The following ANO10 variants were observed in gnomAD, a reference collection of about 807,000 sequenced individuals.
ANO10 encodes anoctamin-10.
In ANO10, 77 loss-of-function variants were observed where a neutral mutation model predicts 74.7. That is an observed-to-expected ratio of 1.03 (90% CI 0.86 to 1.25). The LOEUF (loss-of-function observed/expected upper bound fraction) is 1.25, where lower values mean the gene tolerates loss of function less well. Ranked by LOEUF, ANO10 falls within the 50% of genes most tolerant of loss-of-function variation. ANO10 has a pLI of 0.00. For missense variants in ANO10, 721 were observed against 778.1 expected, an observed-to-expected ratio of 0.93 and a Z score of 0.87; for synonymous variants, 279 against 284.9, an observed-to-expected ratio of 0.98 and a Z score of 0.21.
chr3:43,627,206 G>A (rs890962258), intron 1 of ANO10, among the ~76,000 whole-genome samples: 2 of 152,170 alleles, frequency 1.3e-5, no homozygotes, highest in African/African-American at 4.8e-5. Flanking sequence ...TACCAAACTT[G>A]TCAGTCAAAT....
At chr3:43,558,458 A>C (rs1472573000) in intron 9 of ANO10, among the ~76,000 whole-genome samples, 2 of 152,174 alleles carry the variant, frequency 1.3e-5, no homozygotes, top group Non-Finnish European at 2.9e-5. Flanking sequence ...GTGGAACAGC[A>C]ATCAGGAGAC....
intron 1 of ANO10, among the ~76,000 whole-genome samples, chr3:43,675,143 A>G (rs2149579069): frequency 6.6e-6 from 1 of 152,338 alleles, no homozygotes; most frequent in Admixed American, 6.5e-5. Context: ...TTTTTCCAAT[A>G]TATGGTGTTG....
intron 1 of ANO10, among the ~76,000 whole-genome samples, chr3:43,655,252 C>T (rs1226490248): frequency 2.6e-5 from 4 of 152,098 alleles, no homozygotes; most frequent in Admixed American, 2.0e-4. Flanking sequence ...TGGACCCTCG[C>T]GGTGAGTGTT....
At position 43,576,697 on chromosome 3, in the gene ANO10, G is replaced by T. The variant is rs1346719997; in HGVS notation, c.1157C>A (p.Ser386Ter). The T allele has an allele frequency of 1.2e-6, 2 of 1,613,986 alleles. No individual in the cohort carries two copies. Among genetic ancestry groups the T allele is most frequent in the African/African-American group, 2.7e-5 (2 of 74,908 alleles). The part of the protein sequence containing the change: ...LYRYAAEFLT[S>*]WENHRLESAY... ...TATAAAGCCTCAAGTCTTACCCCATGAAGTTAAAAACTCGGCAGCATATCG... is the reference window on the plus strand; with the variant it reads ...TATAAAGCCTCAAGTCTTACCCCATTAAGTTAAAAACTCGGCAGCATATCG... Residue 386 changes from serine to a stop codon, truncating the protein, a stop_gained, in exon 6 of 13, where the codon TCA (serine) becomes TAA (stop). Transcript: ENST00000292246. LOFTEE classifies it high-confidence loss of function.
chr3:43,518,723 T>C (rs1286492921), intron 11 of ANO10, among the ~76,000 whole-genome samples: 2 of 152,104 alleles, frequency 1.3e-5, no homozygotes, highest in Non-Finnish European at 2.9e-5. Flanking sequence ...TAAGCCCCGG[T>C]CTCCTGTAGT....
upstream of ANO10, among the ~76,000 whole-genome samples, chr3:43,626,933 A>T (rs2083498268): frequency 4.7e-5 from 1 of 21,130 alleles, no homozygotes; most frequent in Non-Finnish European, 8.8e-5. Flanking sequence ...CCCACCCAGC[A>T]GTTCCTGTAT....
intron 1 of ANO10, among the ~76,000 whole-genome samples, chr3:43,637,324 T>C (rs1381240560): frequency 6.6e-6 from 1 of 151,798 alleles, no homozygotes; most frequent in African/African-American, 2.4e-5. Context: ...AAAAATTAGC[T>C]GGGCTTGGGG....
chr3:43,445,515 G>C (rs2093231947), intron 11 of ANO10, among the ~76,000 whole-genome samples: 1 of 151,866 alleles, frequency 6.6e-6, no homozygotes, highest in African/African-American at 2.4e-5. Flanking sequence ...CAAAATCACA[G>C]GTAAAACAAT....
At chr3:43,450,767 G>C (rs957732554) in intron 11 of ANO10, among the ~76,000 whole-genome samples, 2 of 152,110 alleles carry the variant, frequency 1.3e-5, no homozygotes, top group Admixed American at 6.5e-5. Flanking sequence ...ATATTGATGA[G>C]AACATTTATG....
At chr3:43,487,551 G>A (rs1411489361) in intron 11 of ANO10, among the ~76,000 whole-genome samples, 1 of 151,996 alleles carries the variant, frequency 6.6e-6, no homozygotes. Flanking sequence ...ATGTGTCGAG[G>A]AATTTATCCA....
At chr3:43,534,317 G>A (rs1363205043) in intron 11 of ANO10, among the ~76,000 whole-genome samples, 1 of 152,166 alleles carries the variant, frequency 6.6e-6, no homozygotes, top group South Asian at 2.1e-4. Flanking sequence ...CTAAAAATTT[G>A]ATTAAATGTT....
chr3:43,469,936 C>T (rs994435527), intron 11 of ANO10, among the ~76,000 whole-genome samples: 1 of 152,198 alleles, frequency 6.6e-6, no homozygotes, highest in Admixed American at 6.5e-5. Flanking sequence ...CTTGGACATA[C>T]TGTGGGTAAA....
At chr3:43,565,975 C>T (rs962688277) in intron 7 of ANO10, among the ~76,000 whole-genome samples, 1 of 152,102 alleles carries the variant, frequency 6.6e-6, no homozygotes, top group Non-Finnish European at 1.5e-5. Context: ...TCAGTGGGTG[C>T]GCGCACCGTG....
chr3:43,378,032 C>T (rs541491736), intron 12 of ANO10, among the ~76,000 whole-genome samples: 47 of 152,228 alleles, frequency 3.1e-4, no homozygotes, highest in African/African-American at 6.5e-4. Flanking sequence ...ATTTCACTGT[C>T]GCATGAGAAA....
At chr3:43,653,055 A>T (rs1444199190) in intron 1 of ANO10, 2 of 151,848 alleles carry the variant, frequency 1.3e-5, no homozygotes, top group East Asian at 3.9e-4. Context: ...AAATACAAAA[A>T]AAAAAATTAG....
At chr3:43,655,574 A>C (rs2083840281) in intron 1 of ANO10, among the ~76,000 whole-genome samples, 1 of 152,204 alleles carries the variant, frequency 6.6e-6, no homozygotes, top group South Asian at 2.1e-4. Context: ...TTGGTAGAGC[A>C]GAGTGGTCTG....
intron 11 of ANO10, among the ~76,000 whole-genome samples, chr3:43,474,218 C>T (rs1287933977): frequency 1.3e-5 from 2 of 152,032 alleles, no homozygotes; most frequent in Admixed American, 1.3e-4. Context: ...TTCCCCGCCC[C>T]CCCCAACCCC....
chr3:43,497,588 A>G (rs564581840), intron 11 of ANO10, among the ~76,000 whole-genome samples: 4 of 152,204 alleles, frequency 2.6e-5, no homozygotes, highest in Admixed American at 1.3e-4. Context: ...AATCCACCCT[A>G]CTGAATCTTT....
chr3:43,430,273 G>A (rs1304930603), intron 12 of ANO10, among the ~76,000 whole-genome samples: 4 of 146,402 alleles, frequency 2.7e-5, no homozygotes, highest in East Asian at 4.0e-4. Context: ...CTTATTTTTT[G>A]TCATACAGAA....
Sources: allele counts gnomAD v4.1 joint callset (sites outside exome capture counted in the v4.1 genomes callset), GRCh38; gene constraint gnomAD v4.1.1; transcripts MANE v1.5; gene names NCBI Gene and HGNC (gene_info 2026-07-23, HGNC 2026-07-21).